Variants in ITGA4 observed in about 807,000 individuals in gnomAD.
ITGA4 encodes the protein integrin subunit alpha 4, also known as integrin alpha-4.
In ITGA4, 63 loss-of-function variants were observed where a neutral mutation model predicts 133.6. The ratio of observed to expected loss-of-function variants is 0.47; its 90% CI spans 0.38 to 0.58. The LOEUF is 0.58. ITGA4 is among the 20% of genes least tolerant of loss of function. ITGA4 has a pLI of 0.00. For missense variants in ITGA4, 1,076 were observed against 1,252.7 expected (o/e 0.86, Z 2.13); for synonymous variants, 483 against 438.0 (o/e 1.10, Z -1.28).
intron 10 of ITGA4, among the ~76,000 whole-genome samples, chr2:181,487,368 T>C (rs1685945841): frequency 6.6e-6 from 1 of 152,116 alleles, no homozygotes; most frequent in African/African-American, 2.4e-5. Flanking sequence ...TCATATTTTA[T>C]GCCCTTCCTA....
At position 181,511,614 on chromosome 2, in the gene ITGA4, A is replaced by G. The variant is rs529195984; in HGVS notation, c.1846-85A>G. The G allele has an allele frequency of 1.7e-5, 12 of 690,430 alleles. No individual in the cohort carries two copies. The African/African-American group carries it at 2.0e-4, about 12-fold the overall frequency. The allele number at this position is 690,430 out of a possible 1,614,324, so 42.8% of individuals were successfully genotyped here. ...TGTATCAATTTTATTTTTCTCATGC[A>G]TCACAGGTGTCGTCATCTTTAAAAT... On this transcript the variant is annotated intron_variant, in intron 16 of 27. Coordinates refer to ENST00000397033, the MANE Select transcript of ITGA4 (RefSeq NM_000885.6).
intron 22 of ITGA4, among the ~76,000 whole-genome samples, chr2:181,528,768 GT>G (rs1039643920): frequency 6.6e-6 from 1 of 152,100 alleles, no homozygotes; most frequent in Non-Finnish European, 1.5e-5. Context: ...TTTAATCGAG[GT>G]ATTGGGATGC....
rs201013234 is a variant in ITGA4, at chr2:181,481,639, A to G, written c.796A>G (p.Thr266Ala). The change falls in exon 7 of 28, where the codon ACC becomes GCC. Residue 266 changes from threonine to alanine, a missense_variant. Thr to Ala is a moderately conservative substitution (Grantham distance 58, BLOSUM62 0). This residue lies in a region of ITGA4 where 436 missense variants were observed against 590.7 expected (regional missense o/e 0.74). Coordinates refer to ENST00000397033, the MANE Select transcript of ITGA4 (RefSeq NM_000885.6). Reference protein sequence around the residue: ...GAGHFRSQHTTEVVGGAPQHE... With the variant: ...GAGHFRSQHTAEVVGGAPQHE... ...TGGTCATTTTCGGAGCCAGCATACT[A>G]CCGAAGTAGTCGGAGGAGCTCCTCA... 5.9e-5 allele frequency: 95 copies of G among 1,600,716 alleles called. No homozygotes were observed. Among genetic ancestry groups the G allele is most frequent in the Non-Finnish European group, 7.8e-5 (91 of 1,170,076 alleles).
At chr2:181,506,200 G>A (rs1686388699) in intron 15 of ITGA4, among the ~76,000 whole-genome samples, 1 of 152,082 alleles carries the variant, frequency 6.6e-6, no homozygotes, top group Admixed American at 6.6e-5. Context: ...GTTGGCAGTA[G>A]TAGTTCAGTT....
At chr2:181,531,894 T>C in intron 25 of ITGA4, 118 bp downstream of exon 25, 1 of 672,288 alleles carries the variant, frequency 1.5e-6, no homozygotes, top group Non-Finnish European at 2.4e-6. Flanking sequence ...AAATAAAATT[T>C]TGGAGTAAAA....
At chr2:181,513,082 C>A (rs1385873385) in intron 17 of ITGA4, among the ~76,000 whole-genome samples, 1 of 152,036 alleles carries the variant, frequency 6.6e-6, no homozygotes, top group East Asian at 1.9e-4. Context: ...CTATCCTACT[C>A]CCATTGTCTT....
intron 15 of ITGA4, among the ~76,000 whole-genome samples, chr2:181,508,763 A>G (rs959709463): frequency 6.6e-6 from 1 of 152,038 alleles, no homozygotes; most frequent in African/African-American, 2.4e-5. Flanking sequence ...TGAAGCGACC[A>G]GTGTATACAA....
chr2:181,486,575 C>T (rs896354510), intron 10 of ITGA4, among the ~76,000 whole-genome samples: 4 of 152,138 alleles, frequency 2.6e-5, no homozygotes, highest in African/African-American at 9.7e-5. Flanking sequence ...TGTTTACCCA[C>T]TGATATTGAC....
At chr2:181,509,403 T>C (rs1358927017) in intron 15 of ITGA4, among the ~76,000 whole-genome samples, 1 of 151,996 alleles carries the variant, frequency 6.6e-6, no homozygotes, top group Admixed American at 6.6e-5. Flanking sequence ...TACTCCCAAG[T>C]ACAGAACTTT....
At chr2:181,532,396 A>AT (rs985573113) in intron 25 of ITGA4, among the ~76,000 whole-genome samples, 2 of 151,862 alleles carry the variant, frequency 1.3e-5, no homozygotes, top group African/African-American at 4.8e-5. Context: ...AGCATAGAAT[A>AT]TTTTTTTCCA....
chr2:181,535,597 T>C lies in ITGA4; in HGVS notation c.*70T>C, dbSNP rs1687052303. 1 of 1,506,476 alleles carries C rather than the reference T, an allele frequency of 6.6e-7. No homozygotes were observed. 93.3% of individuals were successfully genotyped at this position (1,506,476 alleles called of 1,614,324 possible). On this transcript the variant is annotated 3_prime_UTR_variant, in exon 28 of 28. Coordinates refer to ENST00000397033, the MANE Select transcript of ITGA4 (RefSeq NM_000885.6). ...AGTAAAGAAATTTAAAAGACACTGT[T>C]TACAAGAAAAAATGAATTTTGTTTG...
intron 15 of ITGA4, among the ~76,000 whole-genome samples, chr2:181,506,640 G>A (rs1686399811): frequency 6.6e-6 from 1 of 152,060 alleles, no homozygotes; most frequent in South Asian, 2.1e-4. Context: ...TTTATGTGGT[G>A]TGTGTCATCT....
At chr2:181,517,822 T>G (rs1261254591) in intron 17 of ITGA4, among the ~76,000 whole-genome samples, 1 of 152,112 alleles carries the variant, frequency 6.6e-6, no homozygotes, top group African/African-American at 2.4e-5. Context: ...GCTGTTGTCT[T>G]GGAACCTAGC....
chr2:181,473,844 G>A (rs1256629000), intron 2 of ITGA4, among the ~76,000 whole-genome samples: 1 of 152,168 alleles, frequency 6.6e-6, no homozygotes, highest in Non-Finnish European at 1.5e-5. Context: ...TAAGTGTTCT[G>A]AGTTTGCCCA....
chr2:181,538,017 T>A lies in ITGA4; in HGVS notation c.*2490T>A, dbSNP rs1219498793. ...TTCCTCAAGAGAATCTAATGCCTGA[T>A]GATCTGAGGTGGAACAGTTCATCCT... On this transcript the variant is annotated 3_prime_UTR_variant, in exon 28 of 28. Transcript: ENST00000397033. 1.5e-6 allele frequency: 1 copy of A among 689,114 alleles called. No individual in the cohort carries two copies. 42.7% of individuals were successfully genotyped at this position (689,114 alleles called of 1,614,324 possible).
chr2:181,463,176 G>A (rs780766512), intron 2 of ITGA4, among the ~76,000 whole-genome samples: 5 of 152,166 alleles, frequency 3.3e-5, no homozygotes, highest in Admixed American at 6.6e-5. Flanking sequence ...GTCTTTGAGA[G>A]CACGATGCTT....
intron 2 of ITGA4, among the ~76,000 whole-genome samples, chr2:181,464,272 T>C (rs1685358951): frequency 6.6e-6 from 1 of 152,122 alleles, no homozygotes; most frequent in Non-Finnish European, 1.5e-5. Context: ...AGAGAATTAG[T>C]TCATTAGTAA....
chr2:181,503,824 G>A lies in ITGA4; in HGVS notation c.1695+5047G>A, dbSNP rs79361556. On this transcript the variant is annotated intron_variant, in intron 15 of 27. Transcript: ENST00000397033. ...TGTTTCCCCATTTATGTAAGTATAT[G>A]AAAATCTTTGTTTTTGCTTTATTTA... Among the ~76,000 whole-genome samples, 14 of 152,072 alleles carry A rather than the reference G, an allele frequency of 9.2e-5. No homozygotes were observed. The South Asian group carries it at 2.7e-3, about 29-fold the overall frequency.
chr2:181,531,399 C>T (rs991609312), intron 24 of ITGA4, among the ~76,000 whole-genome samples: 2 of 152,050 alleles, frequency 1.3e-5, no homozygotes, highest in African/African-American at 4.8e-5. Context: ...AATTCTGTCC[C>T]AGAAGATTAT....
Sources: allele counts gnomAD v4.1 joint callset (sites outside exome capture counted in the v4.1 genomes callset), GRCh38; gene constraint gnomAD v4.1.1; regional missense constraint gnomAD v4.1.1; transcripts MANE v1.5; gene names NCBI Gene and HGNC (gene_info 2026-07-23, HGNC 2026-07-21).